The following DSCAM variants were observed in gnomAD, a reference collection of about 807,000 sequenced individuals.
DSCAM encodes DS cell adhesion molecule.
A neutral mutation model predicts 217.7 loss-of-function variants in DSCAM; 47 were observed. The observed-to-expected ratio is 0.22, with a 90% CI of 0.17 to 0.28. The LOEUF (loss-of-function observed/expected upper bound fraction) is 0.28. DSCAM is among the 10% of genes least tolerant of loss of function. The pLI is 1.00. For missense variants in DSCAM, 2,080 were observed against 2,618.3 expected, an observed-to-expected ratio of 0.79 and a Z score of 4.49; for synonymous variants, 1,056 against 1,015.3, an observed-to-expected ratio of 1.04 and a Z score of -0.76.
chr21:40,096,387 C>T lies in DSCAM; in HGVS notation c.3697-2513G>A, dbSNP rs1296098598. Among the ~76,000 whole-genome samples the T allele has an allele frequency of 2.0e-5, 3 of 152,292 alleles. No homozygotes were observed. In the East Asian group the frequency reaches 5.8e-4, roughly 29 times the overall value. Reference sequence around the variant, plus strand: ...CACATACTGTCAGGACCTCCTAAGGCTGTGTCATGGGCACGCATCCTCACT... The same window carrying T: ...CACATACTGTCAGGACCTCCTAAGGTTGTGTCATGGGCACGCATCCTCACT... On this transcript the variant is annotated intron_variant, in intron 20 of 32. Coordinates refer to ENST00000400454, the MANE Select transcript of DSCAM (RefSeq NM_001389.5).
intron 3 of DSCAM, among the ~76,000 whole-genome samples, chr21:40,494,140 G>C (rs949933239): frequency 7.2e-5 from 11 of 151,770 alleles, no homozygotes; most frequent in South Asian, 2.1e-4. Flanking sequence ...AGAAACAAAG[G>C]ATCTACAAAA....
intron 3 of DSCAM, among the ~76,000 whole-genome samples, chr21:40,378,682 C>T (rs2123722787): frequency 6.8e-6 from 1 of 147,560 alleles, no homozygotes; most frequent in East Asian, 2.0e-4. Context: ...AGCTCCGCCT[C>T]CCAGGTTCAC....
Position 40,411,539 on chromosome 21 carries a change from TTTAAG to T in DSCAM, c.509-42299_509-42295del, listed in dbSNP as rs143952194. 6.9e-3 allele frequency among the ~76,000 whole-genome samples: 1,044 copies of T among 152,192 alleles called. 20 individuals are homozygous for T. Among genetic ancestry groups the T allele is most frequent in the East Asian group, 0.025 (127 of 5,168 alleles). On this transcript the variant is annotated intron_variant, in intron 3 of 32. Transcript: ENST00000400454. ...CATATGCTGTGTAAAAGAAACATAC[TTTAAG>T]TTAAGTCATAGAAAGGTTAAAGCAA...
intron 8 of DSCAM, among the ~76,000 whole-genome samples, chr21:40,329,271 G>A (rs2074349862): frequency 6.6e-6 from 1 of 152,124 alleles, no homozygotes; most frequent in South Asian, 2.1e-4. Context: ...TGGCTAAATG[G>A]TCACCAGCAG....
chr21:40,694,811 CA>C (rs1479171655), intron 2 of DSCAM, among the ~76,000 whole-genome samples: 1 of 151,274 alleles, frequency 6.6e-6, no homozygotes, highest in Non-Finnish European at 1.5e-5. Flanking sequence ...AAGGCTCCTG[CA>C]TAAGTAAACC....
intron 6 of DSCAM, among the ~76,000 whole-genome samples, chr21:40,343,176 ACTCT>A (rs1471311626): frequency 6.6e-6 from 1 of 151,978 alleles, no homozygotes; most frequent in Admixed American, 6.6e-5. Flanking sequence ...GACTTTTTAA[ACTCT>A]CTTTTAGAAA....
chr21:40,029,709 T>G (rs546923172), intron 32 of DSCAM, among the ~76,000 whole-genome samples: 1 of 152,102 alleles, frequency 6.6e-6, no homozygotes, highest in Non-Finnish European at 1.5e-5. Flanking sequence ...GACCATGCTG[T>G]TTTCCCTCTC....
chr21:40,590,971 T>C (rs904075145), intron 3 of DSCAM, among the ~76,000 whole-genome samples: 3 of 151,172 alleles, frequency 2.0e-5, no homozygotes, highest in African/African-American at 7.3e-5. Context: ...CAAAATCTCA[T>C]CTTGAATTGT....
Position 40,376,433 on chromosome 21 carries a change from T to G in DSCAM, c.509-7188A>C, listed in dbSNP as rs1045597839. Among the ~76,000 whole-genome samples, 7 of 144,440 alleles carry G rather than the reference T, an allele frequency of 4.8e-5. 1 individual carries two copies. Among genetic ancestry groups the G allele is most frequent in the African/African-American group, 1.3e-4 (5 of 39,294 alleles). The allele number at this position is 144,440 out of a possible 152,430, so 94.8% of individuals were successfully genotyped here. On this transcript the variant is annotated intron_variant, in intron 3 of 32. Coordinates refer to ENST00000400454, the MANE Select transcript of DSCAM (RefSeq NM_001389.5). ...ATCATATATATCTTATATAGATATC[T>G]ATATATCTTATATAGATATCTATAT... is the stretch of plus-strand genomic sequence containing the variant.
At chr21:40,671,588 C>A (rs764157811) in intron 3 of DSCAM, among the ~76,000 whole-genome samples, 1 of 149,872 alleles carries the variant, frequency 6.7e-6, no homozygotes, top group Admixed American at 6.7e-5. Context: ...ACTTGGGAGG[C>A]TGAGGCAAGA....
chr21:40,353,827 A>T, intron 4 of DSCAM, 84 bp from the exon 5 acceptor site: 1 of 1,226,302 alleles, frequency 8.2e-7, no homozygotes. Flanking sequence ...TGTATAACTT[A>T]AATACGGTGC....
At chr21:40,444,816 G>A (rs534633328) in intron 3 of DSCAM, among the ~76,000 whole-genome samples, 5 of 152,212 alleles carry the variant, frequency 3.3e-5, no homozygotes, top group Non-Finnish European at 1.5e-5. Flanking sequence ...ATATGATGGT[G>A]GGATTTGTAA....
intron 11 of DSCAM, among the ~76,000 whole-genome samples, chr21:40,247,672 G>A (rs1392381194): frequency 1.3e-5 from 2 of 152,180 alleles, no homozygotes; most frequent in Non-Finnish European, 2.9e-5. Context: ...TTCATGGGCT[G>A]GTGTTGAATG....
intron 11 of DSCAM, among the ~76,000 whole-genome samples, chr21:40,193,567 C>T (rs918784667): frequency 3.3e-5 from 5 of 152,140 alleles, no homozygotes; most frequent in African/African-American, 9.7e-5. Flanking sequence ...TACCATCAAC[C>T]CCCACGCCCC....
At chr21:40,721,757 A>T in intron 1 of DSCAM, among the ~76,000 whole-genome samples, 1 of 152,164 alleles carries the variant, frequency 6.6e-6, no homozygotes, top group Admixed American at 6.5e-5. Flanking sequence ...AAAAAATCGA[A>T]CAATTAATAT....
intron 3 of DSCAM, among the ~76,000 whole-genome samples, chr21:40,682,653 G>A (rs1326433206): frequency 9.7e-5 from 5 of 51,302 alleles, no homozygotes; most frequent in Admixed American, 2.6e-4. Context: ...GGAAGGGAAG[G>A]GAAGGGAGCG....
At chr21:40,554,546 T>C (rs2076656171) in intron 3 of DSCAM, among the ~76,000 whole-genome samples, 1 of 152,136 alleles carries the variant, frequency 6.6e-6, no homozygotes, top group Admixed American at 6.5e-5. Context: ...TTCCATTGTG[T>C]ACTGAATATA....
chr21:40,361,070 G>A (rs936196702), intron 4 of DSCAM, among the ~76,000 whole-genome samples: 1 of 151,792 alleles, frequency 6.6e-6, no homozygotes, highest in African/African-American at 2.4e-5. Flanking sequence ...TAACCGAACG[G>A]CATTGTCTTT....
rs117961522 is a variant in DSCAM, at chr21:40,782,508, G to A, written c.43+64111C>T. Among the ~76,000 whole-genome samples, 421 of 152,226 alleles carry A rather than the reference G, an allele frequency of 2.8e-3. 1 individual carries two copies. Among genetic ancestry groups the A allele is most frequent in the Admixed American group, 8.1e-3 (124 of 15,286 alleles). ...GTTGGGAGGCCGAGGCGGGAGGATC[G>A]CTTGAGCCCAGAAGTTTGAGACTAG... On this transcript the variant is annotated intron_variant, in intron 1 of 32. Coordinates refer to ENST00000400454, the MANE Select transcript of DSCAM (RefSeq NM_001389.5).
Sources: allele counts gnomAD v4.1 joint callset (sites outside exome capture counted in the v4.1 genomes callset), GRCh38; gene constraint gnomAD v4.1.1; transcripts MANE v1.5; gene names NCBI Gene and HGNC (gene_info 2026-07-23, HGNC 2026-07-21).